Variants in TLN2 observed in about 807,000 individuals in gnomAD.
The protein encoded by TLN2 is talin-2.
In TLN2, 118 loss-of-function variants were observed where a neutral mutation model predicts 294.7. That is an observed-to-expected ratio of 0.40 (90% CI 0.34 to 0.47). TLN2 has a LOEUF of 0.47. TLN2 is among the 20% of genes least tolerant of loss of function. The pLI is 0.84. For missense variants in TLN2, 3,083 were observed against 3,282.2 expected, an observed-to-expected ratio of 0.94 and a Z score of 1.48; for synonymous variants, 1,431 against 1,304.5, an observed-to-expected ratio of 1.10 and a Z score of -2.09.
intron 21 of TLN2, 59 bp downstream of exon 21, chr15:62,708,855 G>A (rs2059241345): frequency 7.8e-6 from 12 of 1,529,244 alleles, no homozygotes; most frequent in South Asian, 2.5e-5. Context: ...TGATGGTGGT[G>A]CTAACCCATA....
chr15:62,663,627 A>G (rs972328314), intron 9 of TLN2, among the ~76,000 whole-genome samples: 1 of 152,034 alleles, frequency 6.6e-6, no homozygotes, highest in African/African-American at 2.4e-5. Context: ...ATTCCCATAC[A>G]AATCAAAAAA....
At chr15:62,409,948 G>A (rs1370535240) in intron 1 of TLN2, among the ~76,000 whole-genome samples, 3 of 152,142 alleles carry the variant, frequency 2.0e-5, no homozygotes, top group African/African-American at 7.2e-5. Context: ...TTTATTTTTA[G>A]AAATGGGAGC....
chr15:62,605,897 CA>C (rs1048516946), intron 2 of TLN2, among the ~76,000 whole-genome samples: 15 of 152,160 alleles, frequency 9.9e-5, no homozygotes, highest in Admixed American at 7.9e-4. Context: ...GTACCACAAT[CA>C]GGGGCAGAAG....
intron 1 of TLN2, among the ~76,000 whole-genome samples, chr15:62,557,609 AACCTCC>A (rs957632849): frequency 3.3e-5 from 5 of 152,044 alleles, no homozygotes; most frequent in Admixed American, 6.6e-5. Context: ...GGCTCACTGC[AACCTCC>A]ACCTCCACCT....
At chr15:62,649,480 C>T (rs899974909) in intron 4 of TLN2, among the ~76,000 whole-genome samples, 3 of 152,238 alleles carry the variant, frequency 2.0e-5, no homozygotes, top group South Asian at 4.2e-4. Context: ...CCACCCCCTT[C>T]GTACTTCCTA....
intron 1 of TLN2, among the ~76,000 whole-genome samples, chr15:62,459,235 C>T (rs1351400759): frequency 6.6e-6 from 1 of 150,874 alleles, no homozygotes; most frequent in African/African-American, 2.4e-5. Context: ...CTCTTGACCT[C>T]GTGATCCACC....
chr15:62,767,477 G>C (rs147757570), intron 41 of TLN2, among the ~76,000 whole-genome samples: 3,031 of 152,150 alleles, frequency 0.02, 45 homozygotes, highest in African/African-American at 0.032. Flanking sequence ...GAGTAGCTGG[G>C]ATTATAGGCA....
At chr15:62,533,028 C>T (rs1003391786) in intron 1 of TLN2, among the ~76,000 whole-genome samples, 4 of 151,894 alleles carry the variant, frequency 2.6e-5, no homozygotes, top group Non-Finnish European at 2.9e-5. Flanking sequence ...CCGAGGCAGG[C>T]GCATCGCTTG....
chr15:62,492,597 G>A (rs1403478007), intron 1 of TLN2, among the ~76,000 whole-genome samples: 1 of 150,520 alleles, frequency 6.6e-6, no homozygotes, highest in Non-Finnish European at 1.5e-5. Flanking sequence ...TAATCCCAAT[G>A]TCTAGAGATA....
At chr15:62,620,998 C>A (rs1354687664) in intron 3 of TLN2, among the ~76,000 whole-genome samples, 1 of 151,704 alleles carries the variant, frequency 6.6e-6, no homozygotes, top group African/African-American at 2.4e-5. Context: ...GCCACCACGC[C>A]CGGCTAATTT....
chr15:62,686,651 A>G lies in TLN2; in HGVS notation c.968A>G (p.Lys323Arg). 1 of 1,612,996 alleles carries G rather than the reference A, an allele frequency of 6.2e-7. No individual in the cohort carries two copies. Among genetic ancestry groups the G allele is most frequent in the Non-Finnish European group, 8.5e-7 (1 of 1,179,512 alleles). Reference sequence around the variant, plus strand: ...TATCTCCTGTTTCAGGAGAAGATGAAAGGCAAGAACAAGCTGGTGCCTCGC... The same window carrying G: ...TATCTCCTGTTTCAGGAGAAGATGAGAGGCAAGAACAAGCTGGTGCCTCGC... ...VSFFLVKEKMKGKNKLVPRLL... is the reference protein window; with the variant it reads ...VSFFLVKEKMRGKNKLVPRLL... The change falls in exon 12 of 59, where the codon AAA (lysine) becomes AGA (arginine). Residue 323 changes from lysine (K) to arginine (R), a missense_variant. Transcript: ENST00000636159.
At chr15:62,530,786 A>G (rs1298366393) in intron 1 of TLN2, among the ~76,000 whole-genome samples, 1 of 152,208 alleles carries the variant, frequency 6.6e-6, no homozygotes, top group East Asian at 1.9e-4. Context: ...CGTCTTTCTG[A>G]CACATGAAAA....
Position 62,805,585 on chromosome 15 carries a change from GT to G in TLN2, c.6478-12del, listed in dbSNP as rs768764998. Reference sequence around the variant, plus strand: ...CCTTTTTGATTTTTTTAACCTCTCTGTTTCTGACTTCCAGGTGTTCCAGTCA... The same window carrying G: ...CCTTTTTGATTTTTTTAACCTCTCTGTTCTGACTTCCAGGTGTTCCAGTCA... On this transcript the variant is annotated splice_polypyrimidine_tract_variant and intron_variant, in intron 50 of 58. Coordinates refer to ENST00000636159, the MANE Select transcript of TLN2 (RefSeq NM_015059.3). 4 of 1,581,526 alleles carry G rather than the reference GT, an allele frequency of 2.5e-6. No individual in the cohort carries two copies. In the South Asian group the frequency reaches 4.6e-5, roughly 18 times the overall value.
rs1484510954 is a variant in TLN2 at position 62,755,709 on chromosome 15, A to G, written c.4638+16A>G. The G allele has an allele frequency of 2.5e-6, 4 of 1,613,720 alleles. 1 individual carries two copies. In the South Asian group the frequency reaches 3.3e-5, roughly 13 times the overall value. ...GACCATCAAGGTAGGTCGCTGGACT[A>G]CCGGCCTTATTGAACTCTGTAACTC... On this transcript the variant is annotated intron_variant, in intron 37 of 58. Transcript: ENST00000636159.
intron 1 of TLN2, among the ~76,000 whole-genome samples, chr15:62,431,259 T>C (rs1475467888): frequency 6.6e-6 from 1 of 151,946 alleles, no homozygotes; most frequent in Non-Finnish European, 1.5e-5. Context: ...AAGGGAAATA[T>C]ACTTACATAT....
intron 9 of TLN2, among the ~76,000 whole-genome samples, chr15:62,665,992 G>A (rs1165902625): frequency 6.6e-6 from 1 of 152,176 alleles, no homozygotes; most frequent in Admixed American, 6.5e-5. Flanking sequence ...TTGGGAGGTA[G>A]TGACCATTCA....
Position 62,650,155 on chromosome 15 carries a change from C to G in TLN2, c.208C>G (p.Leu70Val). The change falls in exon 5 of 59, where the codon CTG becomes GTG. Residue 70 changes from leucine (L) to valine (V), a missense_variant. Transcript: ENST00000636159. Reference protein sequence around the residue: ...KGIWLEAGRTLDYYMLRNGDI... With the variant: ...KGIWLEAGRTVDYYMLRNGDI... ...GATTTGGCTGGAAGCGGGCAGAACA[C>G]TGGATTACTACATGTTGCGGAATGG... 2 of 1,614,210 alleles carry G rather than the reference C, an allele frequency of 1.2e-6. No homozygotes were observed. Among genetic ancestry groups the G allele is most frequent in the Non-Finnish European group, 1.7e-6 (2 of 1,180,030 alleles).
intron 3 of TLN2, among the ~76,000 whole-genome samples, chr15:62,622,303 T>C (rs1596372260): frequency 6.6e-6 from 1 of 152,070 alleles, no homozygotes; most frequent in Non-Finnish European, 1.5e-5. Flanking sequence ...TGGAAAAGGG[T>C]GTGAGTGTGT....
At chr15:62,711,737 A>G (rs556513515) in intron 21 of TLN2, among the ~76,000 whole-genome samples, 174 bp from the exon 22 acceptor site, 1 of 152,296 alleles carries the variant, frequency 6.6e-6, no homozygotes, top group African/African-American at 2.4e-5. Context: ...GCCGCAGGGA[A>G]TATTTTCATT....
Sources: gnomAD v4.1 joint callset for allele counts (sites outside exome capture counted in the v4.1 genomes callset) on GRCh38, gnomAD v4.1.1 for gene constraint, MANE v1.5 for transcripts, NCBI Gene and HGNC (gene_info 2026-07-23, HGNC 2026-07-21) for gene names.